NALCN: variants seen among roughly 807,000 people sequenced by gnomAD.
NALCN encodes sodium leak channel NALCN.
Under a neutral mutation model 225.3 loss-of-function variants are expected in NALCN, and 111 were observed. That is an observed-to-expected ratio of 0.49 (90% CI 0.42 to 0.58). The LOEUF (loss-of-function observed/expected upper bound fraction) is 0.58. Ranked by LOEUF, NALCN falls within the 20% of genes least tolerant of loss-of-function variation. The pLI is 0.00. For missense variants in NALCN, 1,378 were observed against 2,202.4 expected, an observed-to-expected ratio of 0.63 and a Z score of 7.49; for synonymous variants, 764 against 769.0, an observed-to-expected ratio of 0.99 and a Z score of 0.11.
chr13:101,206,397 C>A (rs2040312319), intron 13 of NALCN, among the ~76,000 whole-genome samples: 1 of 151,906 alleles, frequency 6.6e-6, no homozygotes, highest in African/African-American at 2.4e-5. Context: ...TAAAAATAAA[C>A]TTGATAGCTG....
At chr13:101,138,198 C>T (rs1464805711) in intron 17 of NALCN, among the ~76,000 whole-genome samples, 2 of 152,174 alleles carry the variant, frequency 1.3e-5, no homozygotes, top group African/African-American at 2.4e-5. Context: ...GGGTACAGTT[C>T]GCATCTTGCT....
chr13:101,165,119 G>A (rs1028665967), intron 15 of NALCN, among the ~76,000 whole-genome samples: 2 of 152,196 alleles, frequency 1.3e-5, no homozygotes, highest in Admixed American at 6.5e-5. Context: ...ACTTCAGCGT[G>A]TTGTACAAAT....
intron 15 of NALCN, among the ~76,000 whole-genome samples, chr13:101,175,176 TA>T (rs1189709610): frequency 1.3e-5 from 2 of 152,084 alleles, no homozygotes; most frequent in Non-Finnish European, 2.9e-5. Flanking sequence ...TGGGTAGCTG[TA>T]GGATGGTAAA....
At chr13:101,354,738 T>A (rs2046000244) in intron 6 of NALCN, among the ~76,000 whole-genome samples, 1 of 152,174 alleles carries the variant, frequency 6.6e-6, no homozygotes, top group South Asian at 2.1e-4. Context: ...TACTTGGAGG[T>A]CAAAATATAT....
chr13:101,415,206 C>CATATATATATATGT (rs1278371508), intron 1 of NALCN, among the ~76,000 whole-genome samples: 3 of 104,810 alleles, frequency 2.9e-5, no homozygotes, highest in African/African-American at 1.5e-4. Flanking sequence ...ACAAATCACA[C>CATATATATATATGT]ACATATATAT....
At chr13:101,068,121 G>A (rs2032571653) in intron 38 of NALCN, 88 bp from the exon 39 acceptor site, 1 of 821,918 alleles carries the variant, frequency 1.2e-6, no homozygotes, top group Admixed American at 3.1e-5. Flanking sequence ...ATTAATAATG[G>A]ATTCTATCAC....
At chr13:101,192,724 C>T (rs2039733069) in intron 13 of NALCN, among the ~76,000 whole-genome samples, 1 of 152,110 alleles carries the variant, frequency 6.6e-6, no homozygotes, top group African/African-American at 2.4e-5. Flanking sequence ...AAAGGCCAGC[C>T]AAGCTAAAAA....
chr13:101,249,592 T>G (rs1594524753), intron 11 of NALCN, among the ~76,000 whole-genome samples: 1 of 152,180 alleles, frequency 6.6e-6, no homozygotes, highest in East Asian at 1.9e-4. Flanking sequence ...GAATCTAAAA[T>G]AGTTTCAGTA....
intron 13 of NALCN, among the ~76,000 whole-genome samples, chr13:101,203,951 T>C (rs1323702940): frequency 1.3e-5 from 2 of 152,214 alleles, no homozygotes; most frequent in East Asian, 1.9e-4. Flanking sequence ...AGTTGGCAAA[T>C]TGACTGAAAA....
rs199935618 is a variant in NALCN at position 101,111,137 on chromosome 13, C to T, written c.2282G>A (p.Arg761His). ...CCCAAGTATTTACCTGCGCTCTTGG[C>T]GGATATGATGCTGCACGCTGAGGAT... The part of the protein sequence containing the change: ...RSILSVQHHI[R>H]QERRSLRHGS... Residue 761 changes from arginine to histidine, a missense_variant, in exon 19 of 44, where the codon CGC becomes CAC. Physicochemically the swap from Arg to His is conservative, Grantham distance 29. Transcript: ENST00000251127. 17 of 1,605,730 alleles carry T rather than the reference C, an allele frequency of 1.1e-5. No individual in the cohort carries two copies. The highest frequency in any genetic ancestry group is 4.5e-5 in the East Asian group (2 of 44,614).
At chr13:101,375,280 A>G (rs537681277) in intron 6 of NALCN, among the ~76,000 whole-genome samples, 1 of 152,150 alleles carries the variant, frequency 6.6e-6, no homozygotes, top group South Asian at 2.1e-4. Context: ...TCATTCCCTC[A>G]TTTGCTCTTC....
intron 15 of NALCN, among the ~76,000 whole-genome samples, chr13:101,156,074 T>A (rs930969806): frequency 6.6e-6 from 1 of 152,198 alleles, no homozygotes; most frequent in East Asian, 1.9e-4. Flanking sequence ...TATAACCCAG[T>A]ACTTTCCTTA....
intron 7 of NALCN, among the ~76,000 whole-genome samples, chr13:101,341,263 T>C (rs1004366677): frequency 1.3e-5 from 2 of 152,228 alleles, no homozygotes; most frequent in Admixed American, 6.5e-5. Flanking sequence ...ATGCAAAATA[T>C]AGTCTCTATG....
intron 6 of NALCN, among the ~76,000 whole-genome samples, chr13:101,371,900 G>T (rs563414667): frequency 6.6e-6 from 1 of 152,254 alleles, no homozygotes; most frequent in South Asian, 2.1e-4. Context: ...TTTGTCATGT[G>T]CTCCCTTTTA....
chr13:101,197,192 C>T lies in NALCN; in HGVS notation c.1627-5138G>A, dbSNP rs114411257. Among the ~76,000 whole-genome samples the T allele has an allele frequency of 7.0e-3, 1,068 of 152,174 alleles. 9 individuals carry two copies. The highest frequency in any genetic ancestry group is 0.023 in the African/African-American group (935 of 41,524). ...TCACAGATTGGGGAATTTGAGTATA[C>T]GGTTTCGTTGTTTTTCCAAGTTTAT... On this transcript the variant is annotated intron_variant, in intron 13 of 43. Transcript: ENST00000251127.
intron 27 of NALCN, among the ~76,000 whole-genome samples, chr13:101,095,970 C>CATCTG (rs2034479594): frequency 6.6e-6 from 1 of 152,134 alleles, no homozygotes; most frequent in South Asian, 2.1e-4. Flanking sequence ...TATCATGTGC[C>CATCTG]ATCTGCCATC....
chr13:101,308,637 G>T (rs1251591814), intron 7 of NALCN, among the ~76,000 whole-genome samples: 1 of 152,146 alleles, frequency 6.6e-6, no homozygotes, highest in Admixed American at 6.6e-5. Context: ...AAGTAGCTAT[G>T]GTCCGTGGGC....
At chr13:101,222,657 C>G (rs922975401) in intron 13 of NALCN, among the ~76,000 whole-genome samples, 1 of 152,114 alleles carries the variant, frequency 6.6e-6, no homozygotes, top group Non-Finnish European at 1.5e-5. Context: ...GGCACATCCG[C>G]CCAACAAGCA....
chr13:101,221,778 A>C (rs1277994455), intron 13 of NALCN, among the ~76,000 whole-genome samples: 1 of 152,156 alleles, frequency 6.6e-6, no homozygotes, highest in Non-Finnish European at 1.5e-5. Context: ...CATAACTCCA[A>C]ATACCCGAGA....
Sources: gnomAD v4.1 joint callset for allele counts (sites outside exome capture counted in the v4.1 genomes callset) on GRCh38, gnomAD v4.1.1 for gene constraint, MANE v1.5 for transcripts, NCBI Gene and HGNC (gene_info 2026-07-23, HGNC 2026-07-21) for gene names.